The following DPPA4 variants were observed in gnomAD, a reference collection of about 807,000 sequenced individuals.
DPPA4 encodes the protein developmental pluripotency associated 4.
DPPA4 carries 22 observed loss-of-function variants against 33.7 expected under a neutral mutation model. That is an observed-to-expected ratio of 0.65 (90% CI 0.47 to 0.93). The LOEUF is 0.93. Among genes scored for constraint, DPPA4 ranks in the 40% least tolerant of loss-of-function variants. The pLI, the probability that DPPA4 is intolerant of heterozygous loss-of-function variation, is 0.00. For synonymous variants in DPPA4, 156 were observed against 132.3 expected (o/e 1.18, Z -1.23); for missense variants, 340 against 358.6 (o/e 0.95, Z 0.42).
chr3:109,332,059 G>T (rs751701717), intron 2 of DPPA4, 28 bp from the exon 3 acceptor site: 3 of 1,528,728 alleles, frequency 2.0e-6, no homozygotes, highest in Non-Finnish European at 2.7e-6. Flanking sequence ...CAAATGAGTA[G>T]TAATTATCTT....
chr3:109,330,374 C>T, intron 5 of DPPA4, 150 bp downstream of exon 5: 1 of 821,148 alleles, frequency 1.2e-6, no homozygotes, highest in Non-Finnish European at 2.0e-6. Context: ...CAGGTCCTGC[C>T]CTAGACCTGC....
upstream of DPPA4, chr3:109,337,590 C>T (rs1708241454): frequency 5.2e-6 from 7 of 1,338,130 alleles, no homozygotes; most frequent in South Asian, 7.0e-5. Flanking sequence ...CCCGAAGACC[C>T]TTTTTCTCTC....
At chr3:109,335,589 G>A (rs1445833358) in intron 1 of DPPA4, among the ~76,000 whole-genome samples, 1 of 151,804 alleles carries the variant, frequency 6.6e-6, no homozygotes, top group Non-Finnish European at 1.5e-5. Context: ...CACCACACCC[G>A]GCTGAATTTT....
chr3:109,329,508 C>G (rs1376493885), intron 5 of DPPA4: 1 of 170,062 alleles, frequency 5.9e-6, no homozygotes, highest in Non-Finnish European at 1.3e-5. Flanking sequence ...GCACTCCAGC[C>G]TGGGTGACAG....
intron 5 of DPPA4, 55 bp from the exon 6 acceptor site, chr3:109,329,143 TGTAA>T: frequency 6.6e-7 from 1 of 1,513,858 alleles, no homozygotes; most frequent in Non-Finnish European, 9.1e-7. Context: ...GACATACTGA[TGTAA>T]GACTGCATTA....
At position 109,326,669 on chromosome 3, in the gene DPPA4, C is replaced by A. The variant is rs1707941944; in HGVS notation, c.*1319G>T. ...AGGATAAGTGAAAAACAGATCTGTT[C>A]CCAGACTCGCAGGACTATAAGTTTA... is the stretch of plus-strand genomic sequence containing the variant. On this transcript the variant is annotated 3_prime_UTR_variant, in exon 7 of 7. Coordinates refer to ENST00000335658, the MANE Select transcript of DPPA4 (RefSeq NM_018189.4). The A allele has an allele frequency of 6.6e-6, 1 of 152,072 alleles. No homozygotes were observed. Among genetic ancestry groups the A allele is most frequent in the Non-Finnish European group, 1.5e-5 (1 of 68,026 alleles). The allele number at this position is 152,072 out of a possible 1,614,324, so 9.4% of individuals were successfully genotyped here.
intron 1 of DPPA4, 51 bp from the exon 2 acceptor site, chr3:109,334,044 A>G: frequency 6.2e-7 from 1 of 1,603,480 alleles, no homozygotes; most frequent in East Asian, 2.2e-5. Flanking sequence ...CAAACCACAC[A>G]TACACTACCT....
chr3:109,330,894 A>G (rs1708057215), intron 4 of DPPA4, 82 bp from the exon 5 acceptor site: 1 of 1,263,556 alleles, frequency 7.9e-7, no homozygotes, highest in Admixed American at 2.6e-5. Flanking sequence ...TTGATCAAAT[A>G]CAAAGTTTCA....
chr3:109,334,447 T>C (rs567170500), intron 1 of DPPA4, among the ~76,000 whole-genome samples: 1 of 151,886 alleles, frequency 6.6e-6, no homozygotes, highest in South Asian at 2.1e-4. Flanking sequence ...TACTCGAGAC[T>C]GAGATAGGAG....
intron 3 of DPPA4, 26 bp from the exon 4 acceptor site, chr3:109,331,810 T>C (rs756945864): frequency 1.2e-6 from 2 of 1,613,586 alleles, no homozygotes; most frequent in Admixed American, 1.7e-5. Flanking sequence ...ACTGAGTTAG[T>C]AAGGCAAATA....
intron 2 of DPPA4, among the ~76,000 whole-genome samples, chr3:109,332,592 A>G (rs1217488751): frequency 1.3e-5 from 2 of 152,092 alleles, no homozygotes; most frequent in Non-Finnish European, 2.9e-5. Context: ...GCTGTCTTAG[A>G]CTTGAGATCA....
Position 109,328,939 on chromosome 3 carries a change from G to C in DPPA4, c.829C>G (p.Pro277Ala). 1 of 1,614,068 alleles carries C rather than the reference G, an allele frequency of 6.2e-7. No individual in the cohort carries two copies. Among genetic ancestry groups the C allele is most frequent in the Non-Finnish European group, 8.5e-7 (1 of 1,180,008 alleles). Residue 277 changes from proline (P) to alanine (A), a missense_variant, in exon 6 of 7, where the codon CCA becomes GCA. Physicochemically the swap from Pro to Ala is conservative, Grantham distance 27 (BLOSUM62 -1). This residue lies in a region of DPPA4 where 212 missense variants were observed against 206.5 expected (regional missense o/e 1.03). Coordinates refer to ENST00000335658, the MANE Select transcript of DPPA4 (RefSeq NM_018189.4). ...ATATTGTCTTCAAGGTGCGGGGGTG[G>C]AAAATTGGAGGCAGGAAGCAAGAAG... ...ALFLLPASNF[P>A]PPHLEDNMLC...
At chr3:109,338,017 T>C (rs1243669929), upstream of DPPA4, among the ~76,000 whole-genome samples, 1 of 152,228 alleles carries the variant, frequency 6.6e-6, no homozygotes, top group African/African-American at 2.4e-5. Context: ...CAGGTTTCTC[T>C]GTACTAATAC....
intron 5 of DPPA4, 192 bp downstream of exon 5, chr3:109,330,314 AAAAAAAAAAAAAAAAAAG>A (rs1559707697): frequency 3.3e-5 from 1 of 30,672 alleles, no homozygotes; most frequent in Non-Finnish European, 5.6e-5. Flanking sequence ...AAAAAAAAAA[AAAAAAAAAAAAAAAAAAG>A]GAAAAAAAAA....
At chr3:109,331,543 C>CAAAAAAAAAAAAAAA (rs62827961) in intron 4 of DPPA4, among the ~76,000 whole-genome samples, 191 bp downstream of exon 4, 1 of 71,470 alleles carries the variant, frequency 1.4e-5, no homozygotes, top group Non-Finnish European at 2.5e-5. Flanking sequence ...GACTCTGTCT[C>CAAAAAAAAAAAAAAA]AAAAAAAAAA....
At chr3:109,330,441 A>T (rs1424104057) in intron 5 of DPPA4, 83 bp downstream of exon 5, 3 of 1,526,406 alleles carry the variant, frequency 2.0e-6, no homozygotes, top group Non-Finnish European at 2.7e-6. Flanking sequence ...GGATTTTGAT[A>T]TACCCTAAAA....
Position 109,331,958 on chromosome 3 carries a change from T to TAATG in DPPA4, c.248_251dup (p.Leu84PhefsTer5). 6.2e-7 allele frequency: 1 copy of TAATG among 1,613,956 alleles called. No homozygotes were observed. Among genetic ancestry groups the TAATG allele is most frequent in the South Asian group, 1.1e-5 (1 of 91,070 alleles). ...GATTAACAGGTGGCAGTTTAGAAGG[T>TAATG]AATGGAGGGATTGGTATCTTCTTCT... On this transcript the variant is annotated frameshift_variant, in exon 3 of 7. Transcript: ENST00000335658. LOFTEE classifies it high-confidence loss of function.
chr3:109,337,813 C>G (rs935150690), upstream of DPPA4, among the ~76,000 whole-genome samples: 3 of 151,030 alleles, frequency 2.0e-5, 1 homozygote, highest in Middle Eastern at 9.5e-3. Flanking sequence ...AACGATTCTA[C>G]GGGGAAAAAA....
intron 1 of DPPA4, among the ~76,000 whole-genome samples, chr3:109,336,034 T>A (rs1285480431): frequency 4.0e-5 from 6 of 151,124 alleles, no homozygotes; most frequent in African/African-American, 1.5e-4. Flanking sequence ...GTGCCTGCAA[T>A]CCCAGCTAAT....
Sources: allele counts gnomAD v4.1 joint callset (sites outside exome capture counted in the v4.1 genomes callset), GRCh38; gene constraint gnomAD v4.1.1; regional missense constraint gnomAD v4.1.1; transcripts MANE v1.5; gene names NCBI Gene and HGNC (gene_info 2026-07-23, HGNC 2026-07-21).